The following TRIM29 variants were observed in gnomAD, a reference collection of about 807,000 sequenced individuals.
TRIM29 encodes the protein tripartite motif-containing protein 29.
A neutral mutation model predicts 57.3 loss-of-function variants in TRIM29; 52 were observed. The ratio of observed to expected loss-of-function variants is 0.91; its 90% CI spans 0.73 to 1.14. TRIM29 has a LOEUF of 1.14. Among genes scored for constraint, TRIM29 ranks in the 50% most tolerant of loss-of-function variants. The pLI is 0.00. For synonymous variants in TRIM29, 319 were observed against 316.9 expected (o/e 1.01, Z -0.07); for missense variants, 753 against 774.6 (o/e 0.97, Z 0.33).
At position 120,118,314 on chromosome 11, in the gene TRIM29, G is replaced by T. The variant is rs1189815279; in HGVS notation, c.1536C>A (p.Tyr512Ter). 6.2e-7 allele frequency: 1 copy of T among 1,612,422 alleles called. No individual in the cohort carries two copies. The highest frequency in any genetic ancestry group is 1.3e-5 in the African/African-American group (1 of 74,888). Residue 512 changes from tyrosine to a stop codon, truncating the protein, a stop_gained, in exon 7 of 9, where the codon TAC becomes TAA. Coordinates refer to ENST00000341846, the MANE Select transcript of TRIM29 (RefSeq NM_012101.4). LOFTEE classifies it high-confidence loss of function. Reference protein sequence around the residue: ...FNNLYGTKGNYTSRVWEYSSS... With the variant: ...FNNLYGTKGN ...AGGAGTACTCCCAGACCCGGGAGGT[G>T]TAGTTACCTGGCAGGACAAAGAAGG...
In TRIM29 at chr11:120,112,308, G is replaced by A; in HGVS notation, c.*106C>T. 2 of 1,411,332 alleles carry A rather than the reference G, an allele frequency of 1.4e-6. No individual in the cohort carries two copies. Among genetic ancestry groups the A allele is most frequent in the Non-Finnish European group, 2.0e-6 (2 of 1,014,394 alleles). The allele number at this position is 1,411,332 out of a possible 1,614,324, so 87.4% of individuals were successfully genotyped here. On this transcript the variant is annotated 3_prime_UTR_variant, in exon 9 of 9. Coordinates refer to ENST00000341846, the MANE Select transcript of TRIM29 (RefSeq NM_012101.4). The stretch of plus-strand genomic sequence containing the variant: ...AGAGGGCTGCAGAGGGCAGGTGCAG[G>A]ACCAGGCTCCCTCCCACCCAGACAA...
rs572855991 is a variant in TRIM29, at chr11:120,117,862, C to T, written c.1627+361G>A. 1,459 of 274,146 alleles carry T rather than the reference C, an allele frequency of 5.3e-3. 73 individuals carry two copies. The South Asian group carries it at 0.055, about 10-fold the overall frequency. The allele number at this position is 274,146 out of a possible 1,614,324, so 17.0% of individuals were successfully genotyped here. On this transcript the variant is annotated intron_variant, in intron 7 of 8. Transcript: ENST00000341846. ...ATGGCCACAGGACCCTAGAGCCAGCCAACGCTGGGAGTTAAATAAACTCTG... is the reference window on the plus strand; with the variant it reads ...ATGGCCACAGGACCCTAGAGCCAGCTAACGCTGGGAGTTAAATAAACTCTG...
At chr11:120,115,815 G>A (rs191491760) in intron 7 of TRIM29, 4 of 213,138 alleles carry the variant, frequency 1.9e-5, no homozygotes, top group African/African-American at 2.3e-5. Flanking sequence ...AGAGTTTCCC[G>A]GCAGGAGGCG....
chr11:120,123,085 G>A, intron 4 of TRIM29, 30 bp from the exon 5 acceptor site: 6 of 1,605,806 alleles, frequency 3.7e-6, no homozygotes, highest in Non-Finnish European at 5.1e-6. Flanking sequence ...GTCAGCAGAG[G>A]AGCCAGGTGG....
chr11:120,126,536 GCCC>G (rs1243578317), intron 3 of TRIM29, among the ~76,000 whole-genome samples: 1 of 152,122 alleles, frequency 6.6e-6, no homozygotes, highest in Non-Finnish European at 1.5e-5. Context: ...GAGCCACCAT[GCCC>G]AGCCCACAGT....
At chr11:120,129,667 T>C (rs1863678302) in intron 1 of TRIM29, among the ~76,000 whole-genome samples, 1 of 151,700 alleles carries the variant, frequency 6.6e-6, no homozygotes, top group African/African-American at 2.4e-5. Flanking sequence ...AAGGAAGTGC[T>C]AACAGGGGAC....
intron 7 of TRIM29, chr11:120,118,013 A>G: frequency 1.7e-6 from 1 of 584,492 alleles, no homozygotes; most frequent in Non-Finnish European, 3.0e-6. Context: ...GCGGTGAAAC[A>G]AGCCCTGGGA....
At chr11:120,113,473 G>A (rs1863188834) in intron 8 of TRIM29, 1 of 349,482 alleles carries the variant, frequency 2.9e-6, no homozygotes, top group Non-Finnish European at 5.8e-6. Context: ...GTCAGAGACT[G>A]AGCCCACTCC....
At position 120,132,130 on chromosome 11, in the gene TRIM29, C is replaced by T. The variant is rs190221158; in HGVS notation, c.805-3635G>A. 9.9e-5 allele frequency among the ~76,000 whole-genome samples: 15 copies of T among 151,678 alleles called. No individual in the cohort carries two copies. The East Asian group carries it at 2.7e-3, about 28-fold the overall frequency. On this transcript the variant is annotated intron_variant, in intron 1 of 8. Coordinates refer to ENST00000341846, the MANE Select transcript of TRIM29 (RefSeq NM_012101.4). Reference sequence around the variant, plus strand: ...GTGTGTCTTCTGTGGCATCGTCCTTCCCCTTCACTCCTGCTGGCCTAAGCC... The same window carrying T: ...GTGTGTCTTCTGTGGCATCGTCCTTTCCCTTCACTCCTGCTGGCCTAAGCC...
At chr11:120,130,394 G>A (rs1197011543) in intron 1 of TRIM29, among the ~76,000 whole-genome samples, 1 of 152,226 alleles carries the variant, frequency 6.6e-6, no homozygotes, top group African/African-American at 2.4e-5. Flanking sequence ...CTGATGGAAA[G>A]GAAAGCAGAG....
intron 6 of TRIM29, among the ~76,000 whole-genome samples, chr11:120,120,027 T>C (rs1202696543): frequency 6.6e-6 from 1 of 152,154 alleles, no homozygotes; most frequent in African/African-American, 2.4e-5. Context: ...CCTCACCACC[T>C]GGAGCTCCAG....
Position 120,137,682 on chromosome 11 carries a change from G to A in TRIM29, c.350C>T (p.Pro117Leu). 6.2e-7 allele frequency: 1 copy of A among 1,613,560 alleles called. No homozygotes were observed. Among genetic ancestry groups the A allele is most frequent in the Non-Finnish European group, 8.5e-7 (1 of 1,180,006 alleles). ...AGLQLGAAKK[P>L]PVTFAEKGEL... ...GCCCTTTTCGGCAAAGGTAACGGGT[G>A]GCTTCTTGGCAGCCCCCAGCTGGAG... The change falls in exon 1 of 9, where the codon CCA becomes CTA. Residue 117 changes from proline (P) to leucine (L), a missense_variant. Pro to Leu is a moderately conservative substitution (Grantham distance 98). Coordinates refer to ENST00000341846, the MANE Select transcript of TRIM29 (RefSeq NM_012101.4). The surrounding 1 kb of genome is among the most constrained non-coding windows in gnomAD (Gnocchi z 6.2).
At position 120,115,469 on chromosome 11, in the gene TRIM29, C is replaced by T. The variant is rs903237569; in HGVS notation, c.1628-55G>A. 5.3e-6 allele frequency: 8 copies of T among 1,515,224 alleles called. No individual in the cohort carries two copies. The Admixed American group carries it at 1.1e-4, about 20-fold the overall frequency. 93.9% of individuals were successfully genotyped at this position (1,515,224 alleles called of 1,614,324 possible). A position where few individuals can be genotyped will look rare whatever the true frequency, so the allele number is the denominator to read the frequency against. On this transcript the variant is annotated intron_variant, in intron 7 of 8. Coordinates refer to ENST00000341846, the MANE Select transcript of TRIM29 (RefSeq NM_012101.4). ...GAGCAGCGCTGGTGGTCAGGGGTGC[C>T]CGGGCCCAGAGCAGCACAGCTGCCT...
In TRIM29 at chr11:120,120,559, G is replaced by A; in HGVS notation, c.1528+14C>T. 6.2e-7 allele frequency: 1 copy of A among 1,610,228 alleles called. No homozygotes were observed. Among genetic ancestry groups the A allele is most frequent in the South Asian group, 1.1e-5 (1 of 90,410 alleles). ...CATGAACTCTGTGCACCCTTGAGCTGAGCCACCACCTACCTTTGGTGCCAT... is the reference window on the plus strand; with the variant it reads ...CATGAACTCTGTGCACCCTTGAGCTAAGCCACCACCTACCTTTGGTGCCAT... On this transcript the variant is annotated intron_variant, in intron 6 of 8. Coordinates refer to ENST00000341846, the MANE Select transcript of TRIM29 (RefSeq NM_012101.4).
At chr11:120,116,876 C>T (rs1313775277) in intron 7 of TRIM29, 3 of 337,254 alleles carry the variant, frequency 8.9e-6, no homozygotes, top group Non-Finnish European at 1.8e-5. Flanking sequence ...ACCGGCACAC[C>T]CTAGAAGTGG....
In TRIM29 at chr11:120,123,130, T is replaced by G; in HGVS notation, c.1334-75A>C. 20 of 1,232,548 alleles carry G rather than the reference T, an allele frequency of 1.6e-5. 1 individual carries two copies. The South Asian group carries it at 2.4e-4, about 15-fold the overall frequency. 76.4% of individuals were successfully genotyped at this position (1,232,548 alleles called of 1,614,324 possible). ...GCCAGCCACTGGGGACTTTTGGGGC[T>G]CAGATGAGTCACCCCATAGCCCTTC... On this transcript the variant is annotated intron_variant, in intron 4 of 8. Coordinates refer to ENST00000341846, the MANE Select transcript of TRIM29 (RefSeq NM_012101.4).
chr11:120,136,351 T>C (rs541607111), intron 1 of TRIM29, among the ~76,000 whole-genome samples: 1 of 152,340 alleles, frequency 6.6e-6, no homozygotes, highest in African/African-American at 2.4e-5. Flanking sequence ...CAAAATCTTC[T>C]ACTACAAAGC....
intron 8 of TRIM29, chr11:120,113,757 C>T: frequency 1.1e-5 from 5 of 447,864 alleles, no homozygotes; most frequent in Non-Finnish European, 2.2e-5. Context: ...CAGGGGCCAG[C>T]CTGGACCCCA....
At chr11:120,114,139 T>C (rs904159071) in intron 8 of TRIM29, among the ~76,000 whole-genome samples, 2 of 152,138 alleles carry the variant, frequency 1.3e-5, no homozygotes, top group African/African-American at 4.8e-5. Context: ...GTCTCCACTC[T>C]CCCAGTGCTG....
Sources: allele counts gnomAD v4.1 joint callset (sites outside exome capture counted in the v4.1 genomes callset), GRCh38; gene constraint gnomAD v4.1.1; non-coding constraint Gnocchi (gnomAD v3.1); transcripts MANE v1.5; gene names NCBI Gene and HGNC (gene_info 2026-07-23, HGNC 2026-07-21).